Variants in CYB5R3 observed in about 807,000 individuals in gnomAD.
CYB5R3 encodes NADH-cytochrome b5 reductase 3.
In CYB5R3, 28 loss-of-function variants were observed where a neutral mutation model predicts 36.5. That is an observed-to-expected ratio of 0.77 (90% CI 0.57 to 1.05). The LOEUF is 1.05. Ranked by LOEUF, CYB5R3 falls within the 50% of genes least tolerant of loss-of-function variation. The pLI is 0.00. For missense variants in CYB5R3, 474 were observed against 408.9 expected, an observed-to-expected ratio of 1.16 and a Z score of -1.37; for synonymous variants, 181 against 159.8, an observed-to-expected ratio of 1.13 and a Z score of -1.00.
At chr22:42,627,281 C>G in intron 7 of CYB5R3, 23 bp downstream of exon 7, 1 of 1,608,746 alleles carries the variant, frequency 6.2e-7, no homozygotes, top group Non-Finnish European at 8.5e-7. Flanking sequence ...CTGAGTTTCC[C>G]CATCATGGGG....
intron 1 of CYB5R3, among the ~76,000 whole-genome samples, chr22:42,641,717 C>T (rs971105448): frequency 1.3e-5 from 2 of 152,148 alleles, no homozygotes. Flanking sequence ...AACTTCTGAC[C>T]TCAGGTGATC....
At position 42,627,652 on chromosome 22, in the gene CYB5R3, GGGTTGGACTTTTT is replaced by G; in HGVS notation, c.487_499del (p.Lys163LeufsTer6). The G allele has an allele frequency of 2.5e-6, 4 of 1,614,206 alleles. No homozygotes were observed. Among genetic ancestry groups the G allele is most frequent in the Non-Finnish European group, 2.5e-6 (3 of 1,180,012 alleles). ...CACAGACTTCACTGTCCTGATGATA[GGGTTGGACTTTTT>G]GTCAGGTCGGATGGCGAACTTCCCT... On this transcript the variant is annotated frameshift_variant, in exon 6 of 9. Coordinates refer to ENST00000352397, the MANE Select transcript of CYB5R3 (RefSeq NM_000398.7). LOFTEE classifies it high-confidence loss of function.
At chr22:42,631,823 G>T (rs1208435942) in intron 2 of CYB5R3, 3 of 307,474 alleles carry the variant, frequency 9.8e-6, no homozygotes, top group South Asian at 3.4e-5. Flanking sequence ...GAACTTGAGG[G>T]CTGGATGGGC....
intron 1 of CYB5R3, 129 bp from the exon 2 acceptor site, chr22:42,636,975 C>T (rs1928936230): frequency 1.5e-6 from 2 of 1,315,908 alleles, no homozygotes. Flanking sequence ...CCACCACCCT[C>T]ATCCAGAAAG....
chr22:42,623,968 T>C, intron 7 of CYB5R3, 80 bp from the exon 8 acceptor site: 1 of 1,275,552 alleles, frequency 7.8e-7, no homozygotes, highest in Non-Finnish European at 1.1e-6. Flanking sequence ...ACGCGCCTCG[T>C]CATCGCGCCC....
chr22:42,630,026 C>G (rs1013892216), intron 4 of CYB5R3, among the ~76,000 whole-genome samples: 4 of 152,152 alleles, frequency 2.6e-5, no homozygotes, highest in Non-Finnish European at 5.9e-5. Context: ...TCTCTAACTC[C>G]TGACCTCAGG....
chr22:42,625,072 G>A (rs932789365), intron 7 of CYB5R3, among the ~76,000 whole-genome samples: 2 of 152,148 alleles, frequency 1.3e-5, no homozygotes, highest in African/African-American at 2.4e-5. Context: ...CAGGGACAGG[G>A]ACAGGCTTTG....
chr22:42,631,804 G>A, intron 2 of CYB5R3: 1 of 360,852 alleles, frequency 2.8e-6, no homozygotes, highest in Non-Finnish European at 5.3e-6. Flanking sequence ...TGGCCTGAAG[G>A]GGCAGGAAGA....
intron 7 of CYB5R3, among the ~76,000 whole-genome samples, chr22:42,626,791 G>A (rs1423761466): frequency 2.0e-5 from 3 of 151,944 alleles, no homozygotes; most frequent in Non-Finnish European, 4.4e-5. Context: ...AGCTCAGAGA[G>A]GGAAAGTAGC....
In CYB5R3 at chr22:42,631,385, G is replaced by C; in HGVS notation, c.219C>G (p.Leu73=). The stretch of plus-strand genomic sequence containing the variant: ...AGCAGGGGCGTGACTCACCGACAGG[G>C]AGGCCCAGGATGTGCTGGGGTGACG... ...ALPSPQHILG[L]PVGQHIYLSA... is the part of the protein sequence containing the mutation. Residue 73 remains leucine (L), a synonymous_variant, in exon 3 of 9, where the codon CTC becomes CTG. Coordinates refer to ENST00000352397, the MANE Select transcript of CYB5R3 (RefSeq NM_000398.7). 7.7e-6 allele frequency: 12 copies of C among 1,551,546 alleles called. No homozygotes were observed. Among genetic ancestry groups the C allele is most frequent in the Non-Finnish European group, 1.0e-5 (12 of 1,146,938 alleles).
At chr22:42,634,762 ATTACAGGCAT>A (rs1383340876) in intron 2 of CYB5R3, among the ~76,000 whole-genome samples, 75 of 119,194 alleles carry the variant, frequency 6.3e-4, no homozygotes, top group African/African-American at 2.4e-3. Context: ...AGTAGCTGGG[ATTACAGGCAT>A]CTGCCACCAC....
intron 1 of CYB5R3, among the ~76,000 whole-genome samples, chr22:42,639,404 A>G (rs137140): frequency 0.93 from 140,119 of 151,304 alleles, 65,011 homozygotes; most frequent in East Asian, 1. Context: ...GAGGCAGGTG[A>G]ATCACCTGAG....
chr22:42,624,120 T>C (rs6002824), intron 7 of CYB5R3, among the ~76,000 whole-genome samples: 6,412 of 152,268 alleles, frequency 0.042, 462 homozygotes, highest in African/African-American at 0.15. Flanking sequence ...AAACTCAGTG[T>C]GTCAACTGCT....
At chr22:42,621,718 C>T (rs899295307) in intron 8 of CYB5R3, among the ~76,000 whole-genome samples, 1 of 152,230 alleles carries the variant, frequency 6.6e-6, no homozygotes, top group South Asian at 2.1e-4. Context: ...CAGCACTGGC[C>T]CCTCCCTGGG....
intron 1 of CYB5R3, among the ~76,000 whole-genome samples, chr22:42,637,368 A>G (rs570458202): frequency 6.6e-6 from 1 of 152,244 alleles, no homozygotes; most frequent in African/African-American, 2.4e-5. Context: ...GCACCTTTAA[A>G]TCCAGTCCCT....
At chr22:42,623,648 CG>C in intron 8 of CYB5R3, 140 bp downstream of exon 8, 1 of 686,656 alleles carries the variant, frequency 1.5e-6, no homozygotes. Context: ...ATCTGTGAGA[CG>C]GGGCCACACC....
rs1360524556 is a variant in CYB5R3, at chr22:42,619,637, G to A, written c.*136C>T. ...GAAGGGGCTCCAGGGGAACTGCTCA[G>A]CCAGGTGATTCACCAGGGCACGGGC... On this transcript the variant is annotated 3_prime_UTR_variant, in exon 9 of 9. Transcript: ENST00000352397. The A allele has an allele frequency of 1.2e-6, 1 of 817,580 alleles. No homozygotes were observed. Among genetic ancestry groups the A allele is most frequent in the Admixed American group, 2.4e-5 (1 of 41,706 alleles). 50.6% of individuals were successfully genotyped at this position (817,580 alleles called of 1,614,324 possible). A position where few individuals can be genotyped will look rare whatever the true frequency, so the allele number is the denominator to read the frequency against.
intron 4 of CYB5R3, among the ~76,000 whole-genome samples, chr22:42,629,053 G>A (rs1217014596): frequency 6.6e-6 from 1 of 152,170 alleles, no homozygotes; most frequent in Non-Finnish European, 1.5e-5. Flanking sequence ...AAGGGAGCCA[G>A]CCAGGTCTCC....
At chr22:42,646,206 C>T (rs758870327) in intron 1 of CYB5R3, among the ~76,000 whole-genome samples, 1 of 152,176 alleles carries the variant, frequency 6.6e-6, no homozygotes, top group Non-Finnish European at 1.5e-5. Context: ...GCTGCGTGCA[C>T]ACTCACACAC....
Sources: allele counts gnomAD v4.1 joint callset (sites outside exome capture counted in the v4.1 genomes callset), GRCh38; gene constraint gnomAD v4.1.1; transcripts MANE v1.5; gene names NCBI Gene and HGNC (gene_info 2026-07-23, HGNC 2026-07-21).